TRPM3: variants seen among roughly 807,000 people sequenced by gnomAD.
TRPM3 encodes the protein transient receptor potential cation channel subfamily M member 3.
Under a neutral mutation model 181.2 loss-of-function variants are expected in TRPM3, and 77 were observed. The ratio of observed to expected loss-of-function variants is 0.42; its 90% CI spans 0.35 to 0.51. TRPM3 has a LOEUF of 0.51. TRPM3 is among the 20% of genes least tolerant of loss of function. The probability of loss-of-function intolerance (pLI) is 0.01; values close to 1 mark genes in which losing one functional copy is unlikely to be tolerated. For synonymous variants in TRPM3, 745 were observed against 796.4 expected, an observed-to-expected ratio of 0.94 and a Z score of 1.09; for missense variants, 1,759 against 2,196.7, an observed-to-expected ratio of 0.80 and a Z score of 3.98.
chr9:70,992,773 T>C (rs1357776735), intron 1 of TRPM3, among the ~76,000 whole-genome samples: 7 of 152,290 alleles, frequency 4.6e-5, no homozygotes, highest in African/African-American at 1.7e-4. Context: ...AGTAAGTGAA[T>C]AGGAGTGTGA....
At chr9:71,324,566 CA>C (rs573569411) in intron 1 of TRPM3, among the ~76,000 whole-genome samples, 2,337 of 151,432 alleles carry the variant, frequency 0.015, 51 homozygotes, top group African/African-American at 0.052. Context: ...GGAGATTTCT[CA>C]AAAAAACTAA....
chr9:71,219,462 T>C (rs1166550397), intron 1 of TRPM3, among the ~76,000 whole-genome samples: 3 of 152,164 alleles, frequency 2.0e-5, no homozygotes, highest in Non-Finnish European at 4.4e-5. Context: ...TTTAAAGATA[T>C]TTAGATCATT....
intron 1 of TRPM3, among the ~76,000 whole-genome samples, chr9:71,348,560 T>A (rs147043465): frequency 9.5e-4 from 142 of 150,118 alleles, no homozygotes; most frequent in Middle Eastern, 6.9e-3. Flanking sequence ...ATATATTTAT[T>A]TATTTATTTA....
intron 1 of TRPM3, among the ~76,000 whole-genome samples, chr9:71,410,386 G>A (rs969544184): frequency 3.3e-5 from 5 of 151,994 alleles, no homozygotes; most frequent in African/African-American, 1.2e-4. Flanking sequence ...AGTAAAGAAA[G>A]AAGAATCAAA....
intron 1 of TRPM3, among the ~76,000 whole-genome samples, chr9:71,031,569 T>C (rs530040194): frequency 2.4e-4 from 37 of 152,216 alleles, no homozygotes; most frequent in African/African-American, 8.2e-4. Flanking sequence ...ATGCCCACTA[T>C]TGCTATGTTT....
intron 9 of TRPM3, among the ~76,000 whole-genome samples, chr9:70,647,084 G>A (rs779745249): frequency 2.6e-5 from 4 of 151,988 alleles, no homozygotes; most frequent in Non-Finnish European, 5.9e-5. Flanking sequence ...CTGGACCAGC[G>A]AGATTCACAG....
rs532944506 is a variant in TRPM3 at position 70,687,082 on chromosome 9, A to C, written c.1273-5504T>G. Among the ~76,000 whole-genome samples the C allele has an allele frequency of 1.2e-3, 189 of 152,086 alleles. 2 individuals are homozygous for C. Among genetic ancestry groups the C allele is most frequent in the South Asian group, 2.1e-3 (10 of 4,810 alleles). ...CGTGTTGGGATCACGGGTGTCAGCC[A>C]CTGCGCTGGATCTGAAACACTAGTT... On this transcript the variant is annotated intron_variant, in intron 8 of 25. Coordinates refer to ENST00000677713, the MANE Select transcript of TRPM3 (RefSeq NM_001366145.2).
chr9:71,187,948 T>C (rs758562498), intron 1 of TRPM3, among the ~76,000 whole-genome samples: 85 of 58,908 alleles, frequency 1.4e-3, no homozygotes, highest in Non-Finnish European at 1.7e-3. Context: ...GATAGATAGA[T>C]AGATCATCGC....
intron 1 of TRPM3, among the ~76,000 whole-genome samples, chr9:70,882,099 AG>A (rs1447122050): frequency 2.0e-5 from 3 of 152,202 alleles, no homozygotes; most frequent in African/African-American, 7.2e-5. Context: ...AACTTATTAA[AG>A]GGATTGTATC....
chr9:71,416,065 T>A (rs188400051), intron 1 of TRPM3, among the ~76,000 whole-genome samples: 25 of 151,744 alleles, frequency 1.6e-4, no homozygotes, highest in Non-Finnish European at 3.2e-4. Flanking sequence ...GATTTGCCCT[T>A]CTCAATAAAT....
At chr9:71,377,108 G>C (rs2092685398) in intron 1 of TRPM3, among the ~76,000 whole-genome samples, 1 of 152,052 alleles carries the variant, frequency 6.6e-6, no homozygotes, top group Non-Finnish European at 1.5e-5. Context: ...CGGTAAAACT[G>C]AACAAACTTT....
chr9:70,869,996 G>T (rs577663897), intron 1 of TRPM3, among the ~76,000 whole-genome samples: 3 of 152,030 alleles, frequency 2.0e-5, no homozygotes, highest in African/African-American at 7.2e-5. Context: ...TTTAAAAAGT[G>T]AGTATATGAG....
At chr9:70,681,783 C>T (rs770385009) in intron 8 of TRPM3, among the ~76,000 whole-genome samples, 2 of 152,248 alleles carry the variant, frequency 1.3e-5, no homozygotes, top group Non-Finnish European at 2.9e-5. Context: ...CAAACACAGA[C>T]CACTTATAGT....
At position 70,536,210 on chromosome 9, in the gene TRPM3, G is replaced by T. The variant is rs749812367; in HGVS notation, c.4903C>A (p.Leu1635Met). 6.2e-7 allele frequency: 1 copy of T among 1,614,138 alleles called. No individual in the cohort carries two copies. The highest frequency in any genetic ancestry group is 8.5e-7 in the Non-Finnish European group (1 of 1,180,056). ...TTGGGAACAGTGATGTTGTTGGACA[G>T]GGTTCTCTCTGAGTTATCACCCTCC... is the stretch of plus-strand genomic sequence containing the variant. ...SQEGDNSERT[L>M]SNNITVPKIE... Residue 1635 changes from leucine (L) to methionine (M), a missense_variant, in exon 26 of 26, where the codon CTG (leucine) becomes ATG (methionine). Leu to Met is a conservative substitution (Grantham distance 15). Transcript: ENST00000677713.
intron 9 of TRPM3, among the ~76,000 whole-genome samples, chr9:70,678,789 AT>A (rs1269370924): frequency 6.6e-6 from 1 of 152,270 alleles, no homozygotes; most frequent in African/African-American, 2.4e-5. Flanking sequence ...CCCACGCATA[AT>A]TCAAAAAAAG....
At chr9:71,285,696 G>A (rs1022032079) in intron 1 of TRPM3, among the ~76,000 whole-genome samples, 1 of 152,058 alleles carries the variant, frequency 6.6e-6, no homozygotes, top group Non-Finnish European at 1.5e-5. Flanking sequence ...AGGCTTTCTT[G>A]GCTGAGAAGA....
chr9:71,378,126 C>T (rs897021150), intron 1 of TRPM3, among the ~76,000 whole-genome samples: 1 of 151,908 alleles, frequency 6.6e-6, no homozygotes, highest in Non-Finnish European at 1.5e-5. Context: ...TAAAAAAAGA[C>T]AACCCTACAG....
intron 5 of TRPM3, among the ~76,000 whole-genome samples, chr9:70,836,971 G>A (rs1304308789): frequency 6.6e-6 from 1 of 152,164 alleles, no homozygotes; most frequent in Non-Finnish European, 1.5e-5. Flanking sequence ...CATTTCCCAC[G>A]TAAGTGAATG....
chr9:71,318,806 C>T lies in TRPM3; in HGVS notation c.183+127847G>A, dbSNP rs533611545. ...AAATAAGATAAACTTTATGTATTTACAGTGTACAGTTTGATTAGTTTTGAC... is the reference window on the plus strand; with the variant it reads ...AAATAAGATAAACTTTATGTATTTATAGTGTACAGTTTGATTAGTTTTGAC... On this transcript the variant is annotated intron_variant, in intron 1 of 24. Coordinates refer to the TRPM3 transcript ENST00000357533. Among the ~76,000 whole-genome samples, 3 of 152,124 alleles carry T rather than the reference C, an allele frequency of 2.0e-5. No homozygotes were observed. The East Asian group carries it at 5.8e-4, about 29-fold the overall frequency.
Sources: allele counts gnomAD v4.1 joint callset (sites outside exome capture counted in the v4.1 genomes callset), GRCh38; gene constraint gnomAD v4.1.1; transcripts MANE v1.5; gene names NCBI Gene and HGNC (gene_info 2026-07-23, HGNC 2026-07-21).